The following ANXA7 variants were observed in gnomAD, a reference collection of about 807,000 sequenced individuals.
ANXA7 encodes the protein annexin VII.
ANXA7 carries 55 observed loss-of-function variants against 64.9 expected under a neutral mutation model. The ratio of observed to expected loss-of-function variants is 0.85; its 90% confidence interval spans 0.68 to 1.06. The LOEUF is 1.06. Among genes scored for constraint, ANXA7 ranks in the 50% least tolerant of loss-of-function variants. The probability of loss-of-function intolerance (pLI) is 0.00; values close to 1 mark genes in which losing one functional copy is unlikely to be tolerated. For synonymous variants in ANXA7, 200 were observed against 192.4 expected, an observed-to-expected ratio of 1.04 and a Z score of -0.33; for missense variants, 548 against 582.1, an observed-to-expected ratio of 0.94 and a Z score of 0.60.
intron 5 of ANXA7, 150 bp downstream of exon 5, chr10:73,396,369 A>C (rs972293997): frequency 7.6e-6 from 5 of 654,950 alleles, no homozygotes; most frequent in African/African-American, 7.3e-5. Flanking sequence ...AGATGGACCA[A>C]AGAAAGTATG....
At chr10:73,409,782 T>C (rs547881792) in intron 1 of ANXA7, among the ~76,000 whole-genome samples, 69 of 152,296 alleles carry the variant, frequency 4.5e-4, no homozygotes, top group African/African-American at 1.6e-3. Flanking sequence ...AGCCTATAGC[T>C]ACCACAACAG....
intron 12 of ANXA7, 120 bp from the exon 13 acceptor site, chr10:73,376,337 G>A (rs1160838161): frequency 1.0e-6 from 1 of 957,058 alleles, no homozygotes; most frequent in African/African-American, 1.7e-5. Flanking sequence ...AACACCAAGT[G>A]ACTGACATTT....
chr10:73,407,944 G>A (rs1361516250), intron 1 of ANXA7, among the ~76,000 whole-genome samples: 1 of 152,094 alleles, frequency 6.6e-6, no homozygotes, highest in African/African-American at 2.4e-5. Flanking sequence ...ATAAAAACAG[G>A]GACAGGCTGA....
At chr10:73,396,889 T>C (rs1312770409) in intron 4 of ANXA7, among the ~76,000 whole-genome samples, 1 of 152,114 alleles carries the variant, frequency 6.6e-6, no homozygotes, top group Non-Finnish European at 1.5e-5. Flanking sequence ...GTGGTTTTAC[T>C]ATTGGTACAG....
intron 2 of ANXA7, among the ~76,000 whole-genome samples, chr10:73,399,281 G>A (rs573912650): frequency 5.9e-5 from 9 of 152,084 alleles, no homozygotes; most frequent in Non-Finnish European, 1.0e-4. Flanking sequence ...TTTTTTCATC[G>A]TGTTAAGTCA....
intron 1 of ANXA7, among the ~76,000 whole-genome samples, chr10:73,413,772 T>A (rs973129678): frequency 1.2e-4 from 18 of 151,796 alleles, no homozygotes; most frequent in African/African-American, 4.1e-4. Context: ...CCCTGGGATT[T>A]CCAAACGGAC....
chr10:73,406,776 G>A (rs2055764177), intron 1 of ANXA7, among the ~76,000 whole-genome samples: 1 of 151,982 alleles, frequency 6.6e-6, no homozygotes, highest in Non-Finnish European at 1.5e-5. Flanking sequence ...TCGCCATGCT[G>A]CCCAGGCTGG....
chr10:73,391,569 G>A (rs368575624), intron 5 of ANXA7, among the ~76,000 whole-genome samples: 4 of 152,098 alleles, frequency 2.6e-5, no homozygotes, highest in African/African-American at 9.7e-5. Context: ...CTTTGATCAC[G>A]CCACTGTACT....
At position 73,414,045 on chromosome 10, in the gene ANXA7, G is replaced by A. The variant is rs1387338021; in HGVS notation, c.-35C>T. On this transcript the variant is annotated 5_prime_UTR_variant, in exon 1 of 13. Coordinates refer to ENST00000372921, the MANE Select transcript of ANXA7 (RefSeq NM_001156.5). ...AGCAGCAGCGTCACAGCCCAACCCGGTCTCCCGCAAGATGGAGCCGGGGGC... is the reference window on the plus strand; with the variant it reads ...AGCAGCAGCGTCACAGCCCAACCCGATCTCCCGCAAGATGGAGCCGGGGGC... The A allele has an allele frequency of 1.3e-5, 2 of 152,354 alleles. No homozygotes were observed. The highest frequency in any genetic ancestry group is 2.9e-5 in the Non-Finnish European group (2 of 68,158). The allele number at this position is 152,354 out of a possible 1,614,324, so 9.4% of individuals were successfully genotyped here.
At chr10:73,386,285 T>A (rs1490652452) in intron 7 of ANXA7, among the ~76,000 whole-genome samples, 1 of 151,988 alleles carries the variant, frequency 6.6e-6, no homozygotes, top group East Asian at 1.9e-4. Context: ...ACAATGGCAT[T>A]TTTTAGCCAT....
At chr10:73,379,771 C>T in intron 11 of ANXA7, 108 bp downstream of exon 11, 1 of 1,096,890 alleles carries the variant, frequency 9.1e-7, no homozygotes, top group South Asian at 1.4e-5. Flanking sequence ...TCAGCTACTG[C>T]CTAAGCAGAT....
At chr10:73,390,693 A>AATATATATATATATATAT (rs142703167) in intron 5 of ANXA7, among the ~76,000 whole-genome samples, 5 of 127,474 alleles carry the variant, frequency 3.9e-5, no homozygotes, top group South Asian at 2.4e-4. Flanking sequence ...TCTTTTGTAA[A>AATATATATATATATATAT]ATATATATAT....
At chr10:73,406,445 A>G (rs1271403020) in intron 1 of ANXA7, among the ~76,000 whole-genome samples, 4 of 152,190 alleles carry the variant, frequency 2.6e-5, no homozygotes, top group Non-Finnish European at 4.4e-5. Context: ...AAACTTTCCT[A>G]AAATGCTGCT....
intron 9 of ANXA7, chr10:73,381,712 A>C (rs1229983243): frequency 6.6e-6 from 1 of 152,218 alleles, no homozygotes; most frequent in East Asian, 1.9e-4. Flanking sequence ...TCAGCACCTC[A>C]TGTAAAATCT....
chr10:73,396,027 T>C (rs765676869), intron 5 of ANXA7: 1 of 1,520,100 alleles, frequency 6.6e-7, no homozygotes, highest in South Asian at 1.1e-5. Context: ...TAGTAAACAT[T>C]AGAAAACCTT....
At chr10:73,376,317 T>TG (rs1039602255) in intron 12 of ANXA7, 100 bp from the exon 13 acceptor site, 27 of 1,197,770 alleles carry the variant, frequency 2.3e-5, no homozygotes, top group East Asian at 5.6e-5. Context: ...AATCAAAACT[T>TG]GGGGGGGAAA....
chr10:73,400,742 A>G, intron 2 of ANXA7, 61 bp downstream of exon 2: 2 of 1,358,428 alleles, frequency 1.5e-6, no homozygotes, highest in South Asian at 1.3e-5. Flanking sequence ...AAGATCTGAC[A>G]TGGGCCAGTC....
chr10:73,398,452 G>T (rs1392827326), intron 2 of ANXA7, 67 bp from the exon 3 acceptor site: 1 of 1,385,708 alleles, frequency 7.2e-7, no homozygotes, highest in African/African-American at 1.4e-5. Flanking sequence ...TAAAAATAAG[G>T]AACAAACAGA....
At chr10:73,406,609 G>A (rs948875354) in intron 1 of ANXA7, among the ~76,000 whole-genome samples, 11 of 151,760 alleles carry the variant, frequency 7.2e-5, no homozygotes, top group Admixed American at 2.6e-4. Context: ...TTGCTCTATC[G>A]CCCAGGCTGG....
Sources: allele counts gnomAD v4.1 joint callset (sites outside exome capture counted in the v4.1 genomes callset), GRCh38; gene constraint gnomAD v4.1.1; transcripts MANE v1.5; gene names NCBI Gene and HGNC (gene_info 2026-07-23, HGNC 2026-07-21).